The following ADAMTS6 variants were observed in gnomAD, a reference collection of about 807,000 sequenced individuals.
ADAMTS6 encodes the protein ADAM metallopeptidase with thrombospondin type 1 motif 6, also known as A disintegrin and metalloproteinase with thrombospondin motifs 6.
A neutral mutation model predicts 144.3 loss-of-function variants in ADAMTS6; 23 were observed. The observed-to-expected ratio is 0.16, with a 90% CI of 0.11 to 0.23. The LOEUF (loss-of-function observed/expected upper bound fraction) is 0.23. ADAMTS6 is among the 10% of genes least tolerant of loss of function. ADAMTS6 has a pLI of 1.00. For synonymous variants in ADAMTS6, 444 were observed against 457.5 expected (o/e 0.97, Z 0.38); for missense variants, 999 against 1,379.6 (o/e 0.72, Z 4.37).
chr5:65,402,710 C>T (rs76816892), intron 7 of ADAMTS6, among the ~76,000 whole-genome samples: 2,659 of 151,828 alleles, frequency 0.018, 77 homozygotes, highest in African/African-American at 0.06. Context: ...CCATATTTGG[C>T]GCTGGATCCC....
At chr5:65,371,330 G>C (rs1408810907) in intron 7 of ADAMTS6, among the ~76,000 whole-genome samples, 1 of 152,102 alleles carries the variant, frequency 6.6e-6, no homozygotes, top group Non-Finnish European at 1.5e-5. Flanking sequence ...TCCGAACTAC[G>C]GGAGGACATT....
intron 9 of ADAMTS6, among the ~76,000 whole-genome samples, chr5:65,305,836 A>C (rs918771462): frequency 2.0e-5 from 3 of 152,084 alleles, no homozygotes; most frequent in Non-Finnish European, 4.4e-5. Flanking sequence ...ACAGGCACAC[A>C]TGGAGACAGA....
intron 15 of ADAMTS6, among the ~76,000 whole-genome samples, chr5:65,236,072 T>A (rs1400752898): frequency 6.6e-6 from 1 of 152,154 alleles, no homozygotes; most frequent in African/African-American, 2.4e-5. Flanking sequence ...AAAATCTTTT[T>A]AAAAATGAAA....
intron 12 of ADAMTS6, among the ~76,000 whole-genome samples, chr5:65,266,445 T>C (rs535253459): frequency 7.2e-5 from 11 of 152,070 alleles, no homozygotes; most frequent in Admixed American, 5.9e-4. Context: ...AAATAATTTG[T>C]AATATAAGTA....
At chr5:65,215,084 ATTTTCATGGGTATTTTGGAGCCATTG>A (rs1156697135) in intron 19 of ADAMTS6, 152 bp from the exon 20 acceptor site, 2 of 1,136,868 alleles carry the variant, frequency 1.8e-6, no homozygotes, top group Non-Finnish European at 2.4e-6. Flanking sequence ...TTCTCCTCCC[ATTTTCATGGGTATTTTGGAGCCATTG>A]CTTTCATCTG....
chr5:65,150,469 T>A lies in ADAMTS6; in HGVS notation c.*1367A>T, dbSNP rs548266231. On this transcript the variant is annotated 3_prime_UTR_variant, in exon 25 of 25. Coordinates refer to ENST00000381055, the MANE Select transcript of ADAMTS6 (RefSeq NM_197941.4). Reference sequence around the variant, plus strand: ...TCATTTTAATTTAGGTGGATGTGATTCCAGAATTTGACTTGCCCAAGAAAC... The same window carrying A: ...TCATTTTAATTTAGGTGGATGTGATACCAGAATTTGACTTGCCCAAGAAAC... 4 of 152,646 alleles carry A rather than the reference T, an allele frequency of 2.6e-5. No homozygotes were observed. Among genetic ancestry groups the A allele is most frequent in the Non-Finnish European group, 5.9e-5 (4 of 68,034 alleles). 9.5% of individuals were successfully genotyped at this position (152,646 alleles called of 1,614,324 possible).
intron 2 of ADAMTS6, among the ~76,000 whole-genome samples, chr5:65,472,808 G>A (rs985804181): frequency 6.6e-6 from 1 of 152,074 alleles, no homozygotes; most frequent in Non-Finnish European, 1.5e-5. Flanking sequence ...TGGCTTCATT[G>A]ATTTACTTTG....
chr5:65,414,017 T>C (rs778888262), intron 7 of ADAMTS6, among the ~76,000 whole-genome samples: 7 of 152,162 alleles, frequency 4.6e-5, no homozygotes, highest in Non-Finnish European at 8.8e-5. Flanking sequence ...CCACTCCCTT[T>C]TCCTAGGAAG....
chr5:65,379,161 C>G (rs1002973648), intron 7 of ADAMTS6, among the ~76,000 whole-genome samples: 4 of 152,158 alleles, frequency 2.6e-5, no homozygotes, highest in African/African-American at 9.7e-5. Flanking sequence ...TCGTCATTTA[C>G]AGCTGTGTAA....
chr5:65,476,119 C>T (rs1441909506), intron 1 of ADAMTS6, among the ~76,000 whole-genome samples: 1 of 152,182 alleles, frequency 6.6e-6, no homozygotes, highest in East Asian at 1.9e-4. Context: ...TTTGTTGAGG[C>T]CCACATTGAA....
At chr5:65,435,333 A>C (rs935124908) in intron 7 of ADAMTS6, among the ~76,000 whole-genome samples, 2 of 152,190 alleles carry the variant, frequency 1.3e-5, no homozygotes, top group African/African-American at 2.4e-5. Context: ...TGTTGGGTGC[A>C]GGAAAGCTTT....
intron 7 of ADAMTS6, among the ~76,000 whole-genome samples, chr5:65,363,213 G>A (rs1749989106): frequency 6.6e-6 from 1 of 152,060 alleles, no homozygotes; most frequent in Admixed American, 6.6e-5. Context: ...AACCTTTTGG[G>A]AGAAATACTC....
At chr5:65,473,468 A>G in intron 2 of ADAMTS6, 109 bp downstream of exon 2, 13 of 886,622 alleles carry the variant, frequency 1.5e-5, no homozygotes, top group South Asian at 6.4e-5. Context: ...CTCTATTCCT[A>G]TCACTACATA....
At chr5:65,197,570 T>C (rs367778305) in intron 20 of ADAMTS6, among the ~76,000 whole-genome samples, 6 of 152,306 alleles carry the variant, frequency 3.9e-5, no homozygotes, top group East Asian at 3.9e-4. Context: ...TAGGGACAAA[T>C]TTACTTTTTG....
At chr5:65,353,413 T>G (rs1373827390) in intron 7 of ADAMTS6, among the ~76,000 whole-genome samples, 1 of 152,004 alleles carries the variant, frequency 6.6e-6, no homozygotes, top group Non-Finnish European at 1.5e-5. Flanking sequence ...TTGAAAACAG[T>G]CTAGTGTTCT....
intron 7 of ADAMTS6, among the ~76,000 whole-genome samples, chr5:65,341,840 CTA>C (rs1355367026): frequency 6.6e-6 from 1 of 152,040 alleles, no homozygotes; most frequent in East Asian, 1.9e-4. Flanking sequence ...CTAACTCATT[CTA>C]TGAGGCCACC....
At chr5:65,159,463 G>A (rs1752622256) in intron 24 of ADAMTS6, among the ~76,000 whole-genome samples, 1 of 152,104 alleles carries the variant, frequency 6.6e-6, no homozygotes, top group Non-Finnish European at 1.5e-5. Context: ...ACCCACCGCA[G>A]CGATAGCAAA....
intron 7 of ADAMTS6, among the ~76,000 whole-genome samples, chr5:65,392,965 C>A (rs1317303026): frequency 1.3e-5 from 2 of 152,122 alleles, no homozygotes; most frequent in East Asian, 3.8e-4. Flanking sequence ...CCAACTCTAC[C>A]AAATTTTCTC....
At position 65,224,908 on chromosome 5, in the gene ADAMTS6, C is replaced by T. The variant is rs756074843; in HGVS notation, c.2191+16G>A. 124 of 1,604,742 alleles carry T rather than the reference C, an allele frequency of 7.7e-5. 2 individuals are homozygous for T. In the South Asian group the frequency reaches 1.3e-3, roughly 17 times the overall value. ...TACACCAGAGGTGTGAGGAAGAGTT[C>T]TCTCTACATACTCACCTCCCCTGGG... is the stretch of plus-strand genomic sequence containing the variant. On this transcript the variant is annotated intron_variant, in intron 17 of 24. Coordinates refer to ENST00000381055, the MANE Select transcript of ADAMTS6 (RefSeq NM_197941.4).
Sources: allele counts gnomAD v4.1 joint callset (sites outside exome capture counted in the v4.1 genomes callset), GRCh38; gene constraint gnomAD v4.1.1; transcripts MANE v1.5; gene names NCBI Gene and HGNC (gene_info 2026-07-23, HGNC 2026-07-21).